Variants in FAM227B observed in about 807,000 individuals in gnomAD.
The protein encoded by FAM227B is protein FAM227B.
FAM227B carries 88 observed loss-of-function variants against 73.8 expected under a neutral mutation model. The ratio of observed to expected loss-of-function variants is 1.19; its 90% confidence interval spans 1.00 to 1.42. FAM227B has a LOEUF of 1.42. Ranked by LOEUF, FAM227B falls within the 40% of genes most tolerant of loss-of-function variation. The probability of loss-of-function intolerance (pLI) is 0.00; values close to 1 mark genes in which losing one functional copy is unlikely to be tolerated. For missense variants in FAM227B, 632 were observed against 590.9 expected, an observed-to-expected ratio of 1.07 and a Z score of -0.72; for synonymous variants, 210 against 190.5, an observed-to-expected ratio of 1.10 and a Z score of -0.84.
At chr15:49,607,778 A>G (rs2077616492) in intron 3 of FAM227B, among the ~76,000 whole-genome samples, 1 of 148,716 alleles carries the variant, frequency 6.7e-6, no homozygotes. Context: ...GGTGATTTTT[A>G]AATTCTTTTA....
intron 11 of FAM227B, among the ~76,000 whole-genome samples, chr15:49,401,746 C>T (rs1433044985): frequency 1.5e-5 from 2 of 133,298 alleles, no homozygotes; most frequent in Non-Finnish European, 3.2e-5. Flanking sequence ...TAAACTATCG[C>T]AAGAACAAAA....
chr15:49,521,504 G>T (rs2059782934), intron 10 of FAM227B, among the ~76,000 whole-genome samples: 1 of 152,160 alleles, frequency 6.6e-6, no homozygotes. Context: ...TCCCCACTGG[G>T]AACTAAAGCA....
intron 3 of FAM227B, among the ~76,000 whole-genome samples, chr15:49,596,356 A>G (rs2076881844): frequency 6.6e-6 from 1 of 151,980 alleles, no homozygotes; most frequent in Admixed American, 6.6e-5. Flanking sequence ...GTATCCAGCA[A>G]AACTAAGATT....
rs1232961701 is a variant in FAM227B at position 49,355,075 on chromosome 15, C to T, written c.1271+12373G>A. ...TAACAAACAGAAAGGACATCCACAC[C>T]AAAAACCCATCTGTACATCACCATC... On this transcript the variant is annotated intron_variant, in intron 13 of 15. Coordinates refer to ENST00000299338, the MANE Select transcript of FAM227B (RefSeq NM_152647.3). 4.6e-5 allele frequency among the ~76,000 whole-genome samples: 7 copies of T among 150,546 alleles called. No homozygotes were observed. The South Asian group carries it at 1.3e-3, about 27-fold the overall frequency.
intron 11 of FAM227B, chr15:49,423,910 A>C (rs998495253): frequency 6.1e-6 from 1 of 162,892 alleles, no homozygotes; most frequent in Non-Finnish European, 1.3e-5. Context: ...TTTTAAATGT[A>C]TCTTCAAAGA....
intron 3 of FAM227B, among the ~76,000 whole-genome samples, chr15:49,606,631 A>G (rs2077538912): frequency 6.6e-6 from 1 of 152,202 alleles, no homozygotes; most frequent in African/African-American, 2.4e-5. Context: ...TTATGTGTGA[A>G]TATCATCATC....
chr15:49,597,720 A>G (rs2076962219), intron 3 of FAM227B, among the ~76,000 whole-genome samples: 1 of 152,088 alleles, frequency 6.6e-6, no homozygotes, highest in Non-Finnish European at 1.5e-5. Flanking sequence ...TTGACAGACC[A>G]TTAGCGAGAT....
At chr15:49,457,269 C>T (rs1290754746) in intron 11 of FAM227B, among the ~76,000 whole-genome samples, 3 of 151,812 alleles carry the variant, frequency 2.0e-5, no homozygotes, top group African/African-American at 4.8e-5. Context: ...ATTCCAAATG[C>T]GGTAACAACG....
At chr15:49,496,003 A>T (rs2057568529) in intron 11 of FAM227B, among the ~76,000 whole-genome samples, 1 of 152,298 alleles carries the variant, frequency 6.6e-6, no homozygotes, top group African/African-American at 2.4e-5. Flanking sequence ...AGCCTGGGTG[A>T]CAGAGCGAGA....
intron 11 of FAM227B, among the ~76,000 whole-genome samples, chr15:49,404,047 A>G (rs1023524374): frequency 1.3e-5 from 2 of 152,072 alleles, no homozygotes; most frequent in Admixed American, 6.6e-5. Context: ...AGGTTATTCA[A>G]TTTCCATGTA....
intron 11 of FAM227B, among the ~76,000 whole-genome samples, chr15:49,449,151 C>A (rs1452062827): frequency 6.6e-6 from 1 of 151,938 alleles, no homozygotes; most frequent in Non-Finnish European, 1.5e-5. Context: ...ACTGCTCACT[C>A]TAGCACTATC....
chr15:49,577,076 C>A, intron 6 of FAM227B: 1 of 395,902 alleles, frequency 2.5e-6, no homozygotes. Flanking sequence ...GTGGGTGGAT[C>A]ACTTGAGGTC....
At chr15:49,363,626 G>T (rs553490705) in intron 13 of FAM227B, among the ~76,000 whole-genome samples, 15 of 152,202 alleles carry the variant, frequency 9.9e-5, no homozygotes, top group African/African-American at 3.6e-4. Flanking sequence ...TCTTTCTCTT[G>T]TCTGATTGCT....
intron 8 of FAM227B, among the ~76,000 whole-genome samples, chr15:49,569,171 T>G (rs889482155): frequency 4.6e-5 from 7 of 151,884 alleles, no homozygotes; most frequent in African/African-American, 1.7e-4. Flanking sequence ...ATATATTCAT[T>G]TACAACACTC....
intron 11 of FAM227B, among the ~76,000 whole-genome samples, chr15:49,393,860 G>C (rs1310854677): frequency 6.6e-6 from 1 of 152,122 alleles, no homozygotes; most frequent in Admixed American, 6.5e-5. Context: ...GAAGGACTGA[G>C]TTCTAGTAAA....
At chr15:49,380,468 A>T (rs185046158) in intron 11 of FAM227B, among the ~76,000 whole-genome samples, 211 of 152,270 alleles carry the variant, frequency 1.4e-3, no homozygotes, top group African/African-American at 3.2e-3. Context: ...ATTAAAAAAA[A>T]ATATATTTAA....
In FAM227B at chr15:49,615,137, C is replaced by T. The variant is rs140973601; in HGVS notation, c.35G>A (p.Ser12Asn). The T allele has an allele frequency of 1.2e-6, 2 of 1,613,956 alleles. No homozygotes were observed. Among genetic ancestry groups the T allele is most frequent in the African/African-American group, 1.3e-5 (1 of 74,920 alleles). The change falls in exon 2 of 16, where the codon AGC (serine) becomes AAC (asparagine). Residue 12 changes from serine to asparagine, a missense_variant. Transcript: ENST00000299338. ...AGQRTCQRRS[S>N]RAGPGKMQEP... ...CTTCCTTACCCCGGGGCCAGCTCTGCTGCTCCTCCTTTGACATGTTCGTTG... is the reference window on the plus strand; with the variant it reads ...CTTCCTTACCCCGGGGCCAGCTCTGTTGCTCCTCCTTTGACATGTTCGTTG...
At chr15:49,338,237 C>T (rs9806362) in intron 13 of FAM227B, among the ~76,000 whole-genome samples, 24,521 of 152,050 alleles carry the variant, frequency 0.16, 3,112 homozygotes, top group African/African-American at 0.35. Context: ...ATGGTCTTTA[C>T]AATTTGGTAT....
At chr15:49,616,302 ACTCT>A (rs1365777973) in intron 1 of FAM227B, among the ~76,000 whole-genome samples, 5 of 152,180 alleles carry the variant, frequency 3.3e-5, no homozygotes, top group African/African-American at 1.2e-4. Flanking sequence ...GCTTGCTTAT[ACTCT>A]CTCTCCATAT....
Sources: allele counts gnomAD v4.1 joint callset (sites outside exome capture counted in the v4.1 genomes callset), GRCh38; gene constraint gnomAD v4.1.1; transcripts MANE v1.5; gene names NCBI Gene and HGNC (gene_info 2026-07-23, HGNC 2026-07-21).